Variants in RNF121 observed in about 807,000 individuals in gnomAD.
RNF121 encodes ring finger protein 121, also known as E3 ubiquitin ligase RNF121.
A neutral mutation model predicts 46.5 loss-of-function variants in RNF121; 21 were observed. The observed-to-expected ratio is 0.45, with a 90% CI of 0.32 to 0.65. The LOEUF (loss-of-function observed/expected upper bound fraction) is 0.65, where lower values mean the gene tolerates loss of function less well. RNF121 is among the 30% of genes least tolerant of loss of function. The pLI is 0.04. For synonymous variants in RNF121, 139 were observed against 144.7 expected, an observed-to-expected ratio of 0.96 and a Z score of 0.28; for missense variants, 346 against 416.0, an observed-to-expected ratio of 0.83 and a Z score of 1.46.
chr11:71,947,597 A>C (rs1240466510), intron 1 of RNF121, among the ~76,000 whole-genome samples: 1 of 152,232 alleles, frequency 6.6e-6, no homozygotes, highest in Non-Finnish European at 1.5e-5. Flanking sequence ...TAGATAGTTC[A>C]ATGTGGCTGG....
At chr11:71,952,095 A>G (rs1341165453) in intron 1 of RNF121, among the ~76,000 whole-genome samples, 1 of 152,260 alleles carries the variant, frequency 6.6e-6, no homozygotes, top group African/African-American at 2.4e-5. Context: ...TGATGAATGG[A>G]TAAATAACGT....
At chr11:71,943,262 A>G (rs1421114289) in intron 1 of RNF121, among the ~76,000 whole-genome samples, 1 of 152,124 alleles carries the variant, frequency 6.6e-6, no homozygotes, top group Non-Finnish European at 1.5e-5. Context: ...TTGCTTTTAT[A>G]TTTTTTTGAA....
At chr11:71,975,343 T>C (rs182412447) in intron 3 of RNF121, among the ~76,000 whole-genome samples, 208 of 152,330 alleles carry the variant, frequency 1.4e-3, no homozygotes, top group Non-Finnish European at 4.9e-4. Flanking sequence ...CTCTTTAGGC[T>C]CATTTCTCAC....
chr11:71,970,276 T>C lies in RNF121; in HGVS notation c.243+9385T>C, dbSNP rs569168788. Reference sequence around the variant, plus strand: ...AGACAAAAAAGTTCTGGAGATCTGTTACAAAATAGTAACAGATAGTAATAC... The same window carrying C: ...AGACAAAAAAGTTCTGGAGATCTGTCACAAAATAGTAACAGATAGTAATAC... On this transcript the variant is annotated intron_variant, in intron 3 of 8. Coordinates refer to ENST00000361756, the MANE Select transcript of RNF121 (RefSeq NM_018320.5). 6.6e-5 allele frequency among the ~76,000 whole-genome samples: 10 copies of C among 152,290 alleles called. No homozygotes were observed. In the East Asian group the frequency reaches 1.9e-3, roughly 29 times the overall value.
intron 3 of RNF121, among the ~76,000 whole-genome samples, chr11:71,969,153 C>T (rs1466397978): frequency 1.3e-5 from 2 of 152,050 alleles, no homozygotes; most frequent in African/African-American, 4.8e-5. Flanking sequence ...TCCCAAAGTG[C>T]TGGGATTACA....
chr11:71,986,030 C>T (rs1221868369), intron 4 of RNF121, among the ~76,000 whole-genome samples: 5 of 152,146 alleles, frequency 3.3e-5, no homozygotes, highest in Non-Finnish European at 7.4e-5. Context: ...ACACTGTCTT[C>T]ATTGGCTCCT....
intron 3 of RNF121, among the ~76,000 whole-genome samples, chr11:71,971,057 A>G (rs1353745405): frequency 6.6e-6 from 1 of 152,218 alleles, no homozygotes; most frequent in African/African-American, 2.4e-5. Flanking sequence ...TAAAGACCTA[A>G]TTATGAAAGG....
At chr11:71,942,783 T>TAGATATATAGATGTATATATATAG (rs200563413) in intron 1 of RNF121, among the ~76,000 whole-genome samples, 13 of 17,242 alleles carry the variant, frequency 7.5e-4, no homozygotes, top group Non-Finnish European at 1.3e-3. Flanking sequence ...TATATATATA[T>TAGATATATAGATGTATATATATAG]ATATATAGAT....
At chr11:71,957,733 T>C (rs1207801560) in intron 2 of RNF121, among the ~76,000 whole-genome samples, 1 of 152,190 alleles carries the variant, frequency 6.6e-6, no homozygotes, top group Non-Finnish European at 1.5e-5. Context: ...TGGGGAGCTC[T>C]GGTTAAGAAA....
At chr11:71,976,179 T>C (rs1055540553) in intron 3 of RNF121, among the ~76,000 whole-genome samples, 3 of 151,992 alleles carry the variant, frequency 2.0e-5, no homozygotes, top group Non-Finnish European at 4.4e-5. Flanking sequence ...TCCAGGCCTT[T>C]TATTATAATC....
rs560047581 is a variant in RNF121, at chr11:71,937,965, C to T, written c.63+8841C>T. Reference sequence around the variant, plus strand: ...AAACTCATAAGTTCCCTCTAAAGTGCAGCTTTCCCAAGAGGATGCTGGATC... The same window carrying T: ...AAACTCATAAGTTCCCTCTAAAGTGTAGCTTTCCCAAGAGGATGCTGGATC... On this transcript the variant is annotated intron_variant, in intron 1 of 8. Coordinates refer to ENST00000361756, the MANE Select transcript of RNF121 (RefSeq NM_018320.5). Among the ~76,000 whole-genome samples, 14 of 152,328 alleles carry T rather than the reference C, an allele frequency of 9.2e-5. 1 individual carries two copies. The highest frequency in any genetic ancestry group is 3.4e-4 in the African/African-American group (14 of 41,570).
intron 1 of RNF121, among the ~76,000 whole-genome samples, chr11:71,937,099 A>G (rs1000152911): frequency 6.6e-6 from 1 of 152,154 alleles, no homozygotes; most frequent in Non-Finnish European, 1.5e-5. Flanking sequence ...TTAATGCCAA[A>G]TTGTTCCTTA....
At chr11:71,980,173 G>A (rs1954617961) in intron 3 of RNF121, among the ~76,000 whole-genome samples, 1 of 152,126 alleles carries the variant, frequency 6.6e-6, no homozygotes, top group Non-Finnish European at 1.5e-5. Flanking sequence ...CATTCAGAGA[G>A]TCAGTTGTGG....
chr11:71,948,928 T>A (rs527540612), intron 1 of RNF121, among the ~76,000 whole-genome samples: 1 of 61,546 alleles, frequency 1.6e-5, no homozygotes, highest in East Asian at 3.8e-4. Flanking sequence ...TTAGCCTGGT[T>A]GTGCTGAACC....
At chr11:71,970,418 T>C (rs1954395891) in intron 3 of RNF121, among the ~76,000 whole-genome samples, 1 of 152,218 alleles carries the variant, frequency 6.6e-6, no homozygotes, top group Non-Finnish European at 1.5e-5. Context: ...CCCAGCACTT[T>C]GGAAGACTAA....
At chr11:71,950,684 G>T (rs1456048577) in intron 1 of RNF121, among the ~76,000 whole-genome samples, 1 of 151,792 alleles carries the variant, frequency 6.6e-6, no homozygotes, top group Non-Finnish European at 1.5e-5. Flanking sequence ...GCGGAGTCTT[G>T]CTCTGTCTCC....
At chr11:71,983,936 A>T (rs758308199) in intron 4 of RNF121, among the ~76,000 whole-genome samples, 11 of 152,106 alleles carry the variant, frequency 7.2e-5, no homozygotes, top group Non-Finnish European at 1.3e-4. Flanking sequence ...CTGGAGTTTC[A>T]TTGTATAAGG....
At chr11:71,931,514 G>T (rs1953277300) in intron 1 of RNF121, among the ~76,000 whole-genome samples, 1 of 152,160 alleles carries the variant, frequency 6.6e-6, no homozygotes, top group African/African-American at 2.4e-5. Context: ...TTTCTTTGCA[G>T]CCTTAGCTTG....
chr11:71,952,770 T>C (rs1010909992), intron 1 of RNF121, among the ~76,000 whole-genome samples: 1 of 152,002 alleles, frequency 6.6e-6, no homozygotes, highest in Non-Finnish European at 1.5e-5. Context: ...ATCGTGCCAC[T>C]GCACTCTAGC....
Sources: gnomAD v4.1 joint callset for allele counts (sites outside exome capture counted in the v4.1 genomes callset) on GRCh38, gnomAD v4.1.1 for gene constraint, MANE v1.5 for transcripts, NCBI Gene and HGNC (gene_info 2026-07-23, HGNC 2026-07-21) for gene names.